The following RYR2 variants were observed in gnomAD, a reference collection of about 807,000 sequenced individuals.
The protein encoded by RYR2 is cardiac muscle ryanodine receptor-calcium release channel.
RYR2 carries 227 observed loss-of-function variants against 601.1 expected under a neutral mutation model. The ratio of observed to expected loss-of-function variants is 0.38; its 90% CI spans 0.34 to 0.42. The LOEUF (loss-of-function observed/expected upper bound fraction) is 0.42. Ranked by LOEUF, RYR2 falls within the 10% of genes least tolerant of loss-of-function variation. The pLI, the probability that RYR2 is intolerant of heterozygous loss-of-function variation, is 1.00. For synonymous variants in RYR2, 2,223 were observed against 2,175.1 expected, an observed-to-expected ratio of 1.02 and a Z score of -0.61; for missense variants, 4,646 against 6,156.5, an observed-to-expected ratio of 0.75 and a Z score of 8.21.
intron 1 of RYR2, 158 bp from the exon 2 acceptor site, chr1:237,270,339 T>C: frequency 9.7e-7 from 1 of 1,033,628 alleles, no homozygotes; most frequent in East Asian, 2.6e-5. Context: ...AGGGATTGAT[T>C]CCGTAGGGGT....
chr1:237,225,370 A>G (rs1019112969), intron 1 of RYR2, among the ~76,000 whole-genome samples: 5 of 152,094 alleles, frequency 3.3e-5, no homozygotes, highest in African/African-American at 9.7e-5. Context: ...GGTTTAATGG[A>G]CTCAAATTCC....
At chr1:237,151,395 G>A (rs193300815) in intron 1 of RYR2, among the ~76,000 whole-genome samples, 120 of 152,208 alleles carry the variant, frequency 7.9e-4, no homozygotes, top group Non-Finnish European at 1.3e-3. Context: ...GACTCTTAGC[G>A]ATGCATAAGA....
chr1:237,371,862 A>G (rs890265624), intron 6 of RYR2, among the ~76,000 whole-genome samples: 1 of 152,274 alleles, frequency 6.6e-6, no homozygotes, highest in Admixed American at 6.5e-5. Flanking sequence ...ACACTTGGAC[A>G]CAGGAAGGGG....
intron 78 of RYR2, 105 bp downstream of exon 78, chr1:237,732,254 G>T: frequency 1.6e-6 from 1 of 623,558 alleles, no homozygotes. Context: ...TCTTGTTGTT[G>T]TTAGGAGAGA....
chr1:237,091,214 G>A lies in RYR2; in HGVS notation c.48+48645G>A, dbSNP rs377500698. Among the ~76,000 whole-genome samples, 7 of 152,282 alleles carry A rather than the reference G, an allele frequency of 4.6e-5. No individual in the cohort carries two copies. The South Asian group carries it at 8.3e-4, about 18-fold the overall frequency. On this transcript the variant is annotated intron_variant, in intron 1 of 104. Coordinates refer to ENST00000366574, the MANE Select transcript of RYR2 (RefSeq NM_001035.3). ...TACTGGGGGGTTCTGTGAACACCCAGAAACACAATTGGCAGCTCTTACAGC... is the reference window on the plus strand; with the variant it reads ...TACTGGGGGGTTCTGTGAACACCCAAAAACACAATTGGCAGCTCTTACAGC...
intron 58 of RYR2, among the ~76,000 whole-genome samples, chr1:237,668,880 ATT>A (rs771251263): frequency 6.6e-6 from 1 of 151,820 alleles, no homozygotes; most frequent in East Asian, 1.9e-4. Flanking sequence ...TTTATTTTTT[ATT>A]TTTTTTATTT....
chr1:237,075,365 C>T (rs1649397200), intron 1 of RYR2, among the ~76,000 whole-genome samples: 1 of 149,384 alleles, frequency 6.7e-6, no homozygotes, highest in Admixed American at 6.7e-5. Flanking sequence ...TCTGAGGTAC[C>T]CGGTTCATCT....
chr1:237,486,923 T>A (rs575458683), intron 17 of RYR2, among the ~76,000 whole-genome samples: 1 of 152,292 alleles, frequency 6.6e-6, no homozygotes, highest in Non-Finnish European at 1.5e-5. Context: ...CTTAAAAAGT[T>A]ACATTGATTA....
At chr1:237,345,832 C>G (rs1486942195) in intron 3 of RYR2, among the ~76,000 whole-genome samples, 2 of 152,052 alleles carry the variant, frequency 1.3e-5, no homozygotes, top group Non-Finnish European at 2.9e-5. Context: ...CCCCCTCATT[C>G]TTTTCCCCTG....
At chr1:237,188,937 A>G (rs571558579) in intron 1 of RYR2, among the ~76,000 whole-genome samples, 9 of 152,348 alleles carry the variant, frequency 5.9e-5, no homozygotes, top group Middle Eastern at 3.4e-3. Context: ...CCTCAGGCAT[A>G]TAATTTAAAA....
intron 1 of RYR2, among the ~76,000 whole-genome samples, chr1:237,205,124 G>A (rs752035416): frequency 1.6e-4 from 24 of 152,304 alleles, no homozygotes; most frequent in Middle Eastern, 3.4e-3. Context: ...CATAAGTAAC[G>A]TTAGCCTCTA....
At chr1:237,390,733 T>C (rs1702307681) in intron 10 of RYR2, among the ~76,000 whole-genome samples, 1 of 152,288 alleles carries the variant, frequency 6.6e-6, no homozygotes, top group African/African-American at 2.4e-5. Flanking sequence ...AATCATGTTC[T>C]GGACCCACTC....
At chr1:237,213,141 C>A (rs1020766873) in intron 1 of RYR2, among the ~76,000 whole-genome samples, 2 of 151,702 alleles carry the variant, frequency 1.3e-5, no homozygotes, top group African/African-American at 4.8e-5. Context: ...CAAAAAACCC[C>A]AAAACCTATT....
intron 41 of RYR2, among the ~76,000 whole-genome samples, chr1:237,631,080 T>C (rs1680193887): frequency 6.6e-6 from 1 of 152,212 alleles, no homozygotes; most frequent in Non-Finnish European, 1.5e-5. Context: ...TATATAAACA[T>C]GGTATAACAC....
At chr1:237,622,829 G>T (rs1303760081) in intron 38 of RYR2, among the ~76,000 whole-genome samples, 1 of 152,196 alleles carries the variant, frequency 6.6e-6, no homozygotes, top group Non-Finnish European at 1.5e-5. Context: ...TTGATTGTCT[G>T]TGGCTTTTCA....
intron 3 of RYR2, among the ~76,000 whole-genome samples, chr1:237,346,451 T>C (rs1698323979): frequency 6.6e-6 from 1 of 151,554 alleles, no homozygotes; most frequent in African/African-American, 2.4e-5. Flanking sequence ...ACTGTTCCTA[T>C]TCTAAAGTAA....
intron 2 of RYR2, among the ~76,000 whole-genome samples, chr1:237,273,163 G>A (rs940114723): frequency 6.6e-6 from 1 of 152,004 alleles, no homozygotes; most frequent in Non-Finnish European, 1.5e-5. Flanking sequence ...CCTGCTACTA[G>A]ATGGCTATAT....
At chr1:237,278,320 G>T (rs1690509926) in intron 2 of RYR2, among the ~76,000 whole-genome samples, 2 of 143,006 alleles carry the variant, frequency 1.4e-5, no homozygotes, top group Admixed American at 1.5e-4. Context: ...CAAAGTCCTG[G>T]GCTCAAGCGA....
chr1:237,057,259 C>T (rs904531747), intron 1 of RYR2, among the ~76,000 whole-genome samples: 8 of 152,048 alleles, frequency 5.3e-5, no homozygotes, highest in Admixed American at 2.6e-4. Context: ...GATATCGGCT[C>T]ACTGCAAGCT....
Sources: gnomAD v4.1 joint callset for allele counts (sites outside exome capture counted in the v4.1 genomes callset) on GRCh38, gnomAD v4.1.1 for gene constraint, MANE v1.5 for transcripts, NCBI Gene and HGNC (gene_info 2026-07-23, HGNC 2026-07-21) for gene names.